Variants in PTPRK observed in about 807,000 individuals in gnomAD.
PTPRK encodes the protein receptor-type tyrosine-protein phosphatase kappa.
In PTPRK, 75 loss-of-function variants were observed where a neutral mutation model predicts 178.0. The ratio of observed to expected loss-of-function variants is 0.42; its 90% CI spans 0.35 to 0.51. The LOEUF (loss-of-function observed/expected upper bound fraction) is 0.51, where lower values mean the gene tolerates loss of function less well. Among genes scored for constraint, PTPRK ranks in the 20% least tolerant of loss-of-function variants. The probability of loss-of-function intolerance (pLI) is 0.02; values close to 1 mark genes in which losing one functional copy is unlikely to be tolerated. For synonymous variants in PTPRK, 637 were observed against 620.6 expected (o/e 1.03, Z -0.39); for missense variants, 1,441 against 1,797.8 (o/e 0.80, Z 3.59).
chr6:128,108,962 C>G (rs905637959), intron 7 of PTPRK, among the ~76,000 whole-genome samples: 1 of 152,060 alleles, frequency 6.6e-6, no homozygotes, highest in African/African-American at 2.4e-5. Context: ...ATTGTTTCCC[C>G]AAACTCTGAC....
intron 9 of PTPRK, among the ~76,000 whole-genome samples, chr6:128,083,408 T>G (rs1457168764): frequency 6.6e-6 from 1 of 152,048 alleles, no homozygotes; most frequent in African/African-American, 2.4e-5. Flanking sequence ...ATGAGGGTTT[T>G]TTAATATGTG....
chr6:128,254,799 T>C (rs1367458561), intron 3 of PTPRK, among the ~76,000 whole-genome samples: 1 of 152,060 alleles, frequency 6.6e-6, no homozygotes, highest in African/African-American at 2.4e-5. Flanking sequence ...AGAATACCTA[T>C]GACCTCTCTG....
intron 3 of PTPRK, among the ~76,000 whole-genome samples, chr6:128,289,341 T>C (rs1310142320): frequency 6.6e-6 from 1 of 152,108 alleles, no homozygotes. Flanking sequence ...TTATTAACAC[T>C]ACACCAAATA....
At chr6:128,125,261 T>C (rs1793151152) in intron 7 of PTPRK, among the ~76,000 whole-genome samples, 2 of 152,310 alleles carry the variant, frequency 1.3e-5, no homozygotes, top group Non-Finnish European at 2.9e-5. Flanking sequence ...TGGGAGGGGA[T>C]TGGATCATGG....
At chr6:128,361,497 A>C (rs533989882) in intron 2 of PTPRK, among the ~76,000 whole-genome samples, 1 of 152,302 alleles carries the variant, frequency 6.6e-6, no homozygotes, top group South Asian at 2.1e-4. Context: ...AATGATGAGG[A>C]TAGCTTCTAA....
intron 13 of PTPRK, among the ~76,000 whole-genome samples, chr6:128,039,149 G>A (rs1562478411): frequency 1.3e-5 from 2 of 152,074 alleles, no homozygotes; most frequent in East Asian, 3.9e-4. Context: ...CTTAACCAAG[G>A]ATGTTAATTG....
chr6:128,023,033 T>C (rs1376713306), intron 13 of PTPRK, among the ~76,000 whole-genome samples: 1 of 152,126 alleles, frequency 6.6e-6, no homozygotes, highest in Admixed American at 6.5e-5. Context: ...TTTTCTGCTT[T>C]AAAAATACTG....
At chr6:128,210,024 G>A (rs1387179905) in intron 6 of PTPRK, among the ~76,000 whole-genome samples, 1 of 152,116 alleles carries the variant, frequency 6.6e-6, no homozygotes, top group Non-Finnish European at 1.5e-5. Context: ...AGTCACTCTG[G>A]CTTCTGTGTG....
At chr6:128,288,809 C>A (rs1410389038) in intron 3 of PTPRK, among the ~76,000 whole-genome samples, 1 of 152,048 alleles carries the variant, frequency 6.6e-6, no homozygotes, top group Non-Finnish European at 1.5e-5. Context: ...TTTAGTGGAA[C>A]CTAGCTTTGA....
intron 13 of PTPRK, among the ~76,000 whole-genome samples, chr6:128,043,453 T>C (rs1372898543): frequency 1.3e-5 from 2 of 152,016 alleles, no homozygotes; most frequent in Non-Finnish European, 2.9e-5. Context: ...TAGTATGAAA[T>C]CATTTTGAAA....
intron 7 of PTPRK, among the ~76,000 whole-genome samples, chr6:128,143,964 C>G (rs1796126800): frequency 1.3e-5 from 2 of 152,312 alleles, no homozygotes; most frequent in Non-Finnish European, 2.9e-5. Context: ...GTGCTCCCCA[C>G]AGTCAGGAAA....
intron 11 of PTPRK, among the ~76,000 whole-genome samples, chr6:128,076,738 A>G (rs1186463227): frequency 2.0e-5 from 3 of 152,050 alleles, no homozygotes; most frequent in African/African-American, 7.2e-5. Flanking sequence ...AAATTATATA[A>G]AGGTAATAAA....
intron 2 of PTPRK, among the ~76,000 whole-genome samples, chr6:128,352,805 G>T (rs558916707): frequency 6.6e-6 from 1 of 152,284 alleles, no homozygotes; most frequent in Admixed American, 6.5e-5. Context: ...TCTTCACTTT[G>T]CTCAGTAGTG....
intron 13 of PTPRK, among the ~76,000 whole-genome samples, chr6:128,017,476 C>T (rs771647756): frequency 2.0e-5 from 3 of 151,554 alleles, no homozygotes; most frequent in African/African-American, 7.3e-5. Context: ...ATTGATCATG[C>T]TTTCATCTCA....
intron 1 of PTPRK, among the ~76,000 whole-genome samples, chr6:128,443,323 G>C (rs192314988): frequency 5.9e-5 from 9 of 152,082 alleles, no homozygotes; most frequent in Admixed American, 3.9e-4. Flanking sequence ...AAGGAGATGA[G>C]GGAAGAGGGG....
intron 10 of PTPRK, among the ~76,000 whole-genome samples, chr6:128,080,127 C>G (rs1460558511): frequency 6.6e-6 from 1 of 151,814 alleles, no homozygotes; most frequent in Non-Finnish European, 1.5e-5. Flanking sequence ...AGGGTAAAAA[C>G]TCATCAGGAA....
intron 5 of PTPRK, among the ~76,000 whole-genome samples, chr6:128,223,138 G>T (rs1810704789): frequency 6.6e-6 from 1 of 151,282 alleles, no homozygotes; most frequent in African/African-American, 2.4e-5. Flanking sequence ...CTGAAGGTAG[G>T]GTTTCATGTC....
At chr6:127,973,917 C>T in intron 27 of PTPRK, 90 bp from the exon 28 acceptor site, 1 of 1,261,152 alleles carries the variant, frequency 7.9e-7, no homozygotes, top group Non-Finnish European at 1.1e-6. Context: ...ATACAAATGG[C>T]ATCTACACTG....
chr6:128,190,490 C>CTTTTTTTTTTTTTTTTTTT (rs34873441), intron 6 of PTPRK, among the ~76,000 whole-genome samples: 1 of 96,126 alleles, frequency 1.0e-5, no homozygotes, highest in African/African-American at 5.3e-5. Context: ...TGATAGATAC[C>CTTTTTTTTTTTTTTTTTTT]TTTTTTTTTT....
Sources: gnomAD v4.1 joint callset for allele counts (sites outside exome capture counted in the v4.1 genomes callset) on GRCh38, gnomAD v4.1.1 for gene constraint, MANE v1.5 for transcripts, NCBI Gene and HGNC (gene_info 2026-07-23, HGNC 2026-07-21) for gene names.